Variants in MACF1 observed in about 807,000 individuals in gnomAD.
The protein encoded by MACF1 is microtubule actin crosslinking factor 1, also known as microtubule-actin cross-linking factor 1.
In MACF1, 193 loss-of-function variants were observed where a neutral mutation model predicts 854.8. The observed-to-expected ratio is 0.23, with a 90% CI of 0.20 to 0.25. The LOEUF is 0.25. Ranked by LOEUF, MACF1 falls within the 10% of genes least tolerant of loss-of-function variation. The pLI is 1.00. For missense variants in MACF1, 7,722 were observed against 8,929.1 expected, an observed-to-expected ratio of 0.86 and a Z score of 5.45; for synonymous variants, 3,185 against 3,226.7, an observed-to-expected ratio of 0.99 and a Z score of 0.44.
rs1452993845 is a variant in MACF1 at position 39,324,186 on chromosome 1, A to G, written c.4237-7A>G. 6 of 1,588,592 alleles carry G rather than the reference A, an allele frequency of 3.8e-6. No individual in the cohort carries two copies. The highest frequency in any genetic ancestry group is 2.3e-5 in the East Asian group (1 of 43,928). ...CTAGCATATTGATTTTCTATTTCCT[A>G]TTCTAGAAAGTGGTAGAAGAGGAGA... On this transcript the variant is annotated splice_polypyrimidine_tract_variant and splice_region_variant and intron_variant, in intron 33 of 100. Coordinates refer to ENST00000564288, the MANE Select transcript of MACF1 (RefSeq NM_001394062.1).
intron 50 of MACF1, among the ~76,000 whole-genome samples, chr1:39,369,623 C>T (rs978416888): frequency 2.6e-5 from 4 of 152,204 alleles, no homozygotes; most frequent in African/African-American, 7.2e-5. Flanking sequence ...GCCTCAGTTT[C>T]GGCACCTTCC....
intron 2 of MACF1, among the ~76,000 whole-genome samples, chr1:39,111,289 G>A (rs988840237): frequency 6.6e-6 from 1 of 152,016 alleles, no homozygotes; most frequent in African/African-American, 2.4e-5. Flanking sequence ...TCAAACCCCC[G>A]GGCTCACATG....
chr1:39,337,061 TTATCCCACTC>T, intron 37 of MACF1, 111 bp from the exon 38 acceptor site: 2 of 858,438 alleles, frequency 2.3e-6, no homozygotes, highest in Non-Finnish European at 3.6e-6. Flanking sequence ...GTGTTTTATT[TTATCCCACTC>T]TATGTGCAGT....
At chr1:39,435,522 A>G (rs199511384) in intron 69 of MACF1, 36 bp from the exon 70 acceptor site, 58 of 1,522,590 alleles carry the variant, frequency 3.8e-5, no homozygotes, top group Non-Finnish European at 4.9e-5. Flanking sequence ...ACTGGTATAA[A>G]AGTACTCATT....
chr1:39,394,620 C>T (rs1388460279), intron 58 of MACF1, among the ~76,000 whole-genome samples: 1 of 151,818 alleles, frequency 6.6e-6, no homozygotes, highest in Non-Finnish European at 1.5e-5. Flanking sequence ...GAGACTCCGT[C>T]TCCAAAAAAA....
At chr1:39,252,420 G>T (rs922603672) in intron 4 of MACF1, among the ~76,000 whole-genome samples, 2 of 151,964 alleles carry the variant, frequency 1.3e-5, no homozygotes, top group Non-Finnish European at 2.9e-5. Context: ...CAAACTCACT[G>T]CATGGAGATA....
In MACF1 at chr1:39,481,586, G is replaced by C. The variant is rs142860943; in HGVS notation, c.22281+556G>C. ...ACCTGAGGCTCACATTCTAGCTTCT[G>C]AATTTCTTGGCCTAGGCACTTGAGT... On this transcript the variant is annotated intron_variant, in intron 99 of 100. Transcript: ENST00000564288. Among the ~76,000 whole-genome samples, 3 of 152,304 alleles carry C rather than the reference G, an allele frequency of 2.0e-5. No homozygotes were observed. In the East Asian group the frequency reaches 5.8e-4, roughly 29 times the overall value.
chr1:39,287,411 C>G lies in MACF1; in HGVS notation c.1634C>G (p.Ala545Gly). ...PSTLTTTHLK[A>G]EPLTKATHSS... ...ACTTTAACCACCACTCATCTGAAAG[C>G]AGAACCCTTAACCAAGGCAACCCAT... is the stretch of plus-strand genomic sequence containing the variant. Residue 545 changes from alanine to glycine, a missense_variant, in exon 15 of 101, where the codon GCA (alanine) becomes GGA (glycine). Transcript: ENST00000564288. 1 of 1,614,182 alleles carries G rather than the reference C, an allele frequency of 6.2e-7. No homozygotes were observed. Among genetic ancestry groups the G allele is most frequent in the Non-Finnish European group, 8.5e-7 (1 of 1,180,040 alleles).
intron 58 of MACF1, among the ~76,000 whole-genome samples, chr1:39,420,213 T>A (rs757718078): frequency 6.6e-6 from 1 of 152,188 alleles, no homozygotes; most frequent in Non-Finnish European, 1.5e-5. Flanking sequence ...TAGAGTGAGA[T>A]AGGATTTGGT....
rs762712850 is a variant in MACF1, at chr1:39,432,588, A to G, written c.17391A>G (p.Lys5797=). 75 of 1,613,984 alleles carry G rather than the reference A, an allele frequency of 4.6e-5. 1 individual carries two copies. Among genetic ancestry groups the G allele is most frequent in the Non-Finnish European group, 5.8e-5 (68 of 1,179,998 alleles). ...ELAWVAETKR[K]LMALGPIRLE... The stretch of plus-strand genomic sequence containing the variant: ...CTTGGGTTGCTGAAACAAAACGGAA[A>G]CTGATGGCTCTGGGTCCAATTCGCC... The change falls in exon 67 of 101, where the codon AAA becomes AAG. Residue 5797 remains lysine, a synonymous_variant. Coordinates refer to ENST00000564288, the MANE Select transcript of MACF1 (RefSeq NM_001394062.1).
intron 2 of MACF1, among the ~76,000 whole-genome samples, chr1:39,244,535 C>G (rs1490642506): frequency 6.6e-6 from 1 of 151,844 alleles, no homozygotes; most frequent in Non-Finnish European, 1.5e-5. Flanking sequence ...CCCGCCTTGG[C>G]CTCCCAAAGT....
intron 2 of MACF1, among the ~76,000 whole-genome samples, chr1:39,180,642 C>T (rs1440474649): frequency 1.3e-5 from 2 of 152,170 alleles, no homozygotes; most frequent in Non-Finnish European, 2.9e-5. Flanking sequence ...AGAAGATGTA[C>T]TTTCTTCTTT....
Position 39,333,693 on chromosome 1 carries a change from G to T in MACF1, c.7105G>T (p.Ala2369Ser), listed in dbSNP as rs781659171. ...LLHNVLMADK[A>S]ISGVLDPRTQ... The stretch of plus-strand genomic sequence containing the variant: ...ACATAATGTCCTCATGGCAGACAAA[G>T]CTATAAGTGGTGTCTTAGACCCCCG... Residue 2369 changes from alanine (A) to serine (S), a missense_variant, in exon 37 of 101, where the codon GCT (alanine) becomes TCT (serine). Around this residue, in one of 15 missense-constraint regions of MACF1, gnomAD observed 1,531 missense variants for 1,601.6 expected, o/e 0.96. Transcript: ENST00000564288. 6.2e-7 allele frequency: 1 copy of T among 1,614,098 alleles called. No homozygotes were observed. Among genetic ancestry groups the T allele is most frequent in the African/African-American group, 1.3e-5 (1 of 74,924 alleles).
At chr1:39,318,226 C>T (rs1247612273) in intron 29 of MACF1, among the ~76,000 whole-genome samples, 2 of 152,128 alleles carry the variant, frequency 1.3e-5, no homozygotes, top group African/African-American at 4.8e-5. Flanking sequence ...CACAAGGCAG[C>T]ATCCAGGGCT....
intron 25 of MACF1, 35 bp downstream of exon 25, chr1:39,310,463 G>C: frequency 6.3e-7 from 1 of 1,586,106 alleles, no homozygotes. Context: ...GAGAATAGTA[G>C]AATGAGAGCC....
chr1:39,485,469 C>T (rs920237916), intron 100 of MACF1, 69 bp from the exon 101 acceptor site: 2 of 1,459,224 alleles, frequency 1.4e-6, no homozygotes, highest in Non-Finnish European at 1.8e-6. Context: ...AGAACCCTAG[C>T]TTCTGCTCAC....
intron 2 of MACF1, among the ~76,000 whole-genome samples, chr1:39,094,324 C>T (rs1377295309): frequency 2.0e-5 from 3 of 151,818 alleles, no homozygotes; most frequent in East Asian, 1.9e-4. Flanking sequence ...ATCGCTTGAA[C>T]GCGGGAGGTG....
At chr1:39,141,779 A>G (rs1452209521) in intron 2 of MACF1, among the ~76,000 whole-genome samples, 2 of 152,212 alleles carry the variant, frequency 1.3e-5, no homozygotes, top group African/African-American at 4.8e-5. Flanking sequence ...AGATTTGGAA[A>G]GATGAAATGC....
chr1:39,286,142 T>C (rs1055887796), intron 14 of MACF1, among the ~76,000 whole-genome samples: 2 of 151,898 alleles, frequency 1.3e-5, no homozygotes, highest in Non-Finnish European at 2.9e-5. Flanking sequence ...GCCTCCCAAG[T>C]AGCTAGGCCT....
Sources: allele counts gnomAD v4.1 joint callset (sites outside exome capture counted in the v4.1 genomes callset), GRCh38; gene constraint gnomAD v4.1.1; regional missense constraint gnomAD v4.1.1; transcripts MANE v1.5; gene names NCBI Gene and HGNC (gene_info 2026-07-23, HGNC 2026-07-21).